UBXN10: variants seen among roughly 807,000 people sequenced by gnomAD.
The protein encoded by UBXN10 is UBX domain-containing protein 10.
Under a neutral mutation model 6.9 loss-of-function variants are expected in UBXN10, and 6 were observed. The ratio of observed to expected loss-of-function variants is 0.87; its 90% CI spans 0.48 to 1.72. UBXN10 has a LOEUF of 1.72. Ranked by LOEUF, UBXN10 falls within the 40% of genes most tolerant of loss-of-function variation. The pLI, the probability that UBXN10 is intolerant of heterozygous loss-of-function variation, is 0.01. For synonymous variants in UBXN10, 131 were observed against 135.2 expected, an observed-to-expected ratio of 0.97 and a Z score of 0.21; for missense variants, 317 against 348.4, an observed-to-expected ratio of 0.91 and a Z score of 0.72.
Position 20,192,245 on chromosome 1 carries a change from AG to A in UBXN10, c.*843del, listed in dbSNP as rs2018517581. 1 of 167,116 alleles carries A rather than the reference AG, an allele frequency of 6.0e-6. No homozygotes were observed. The highest frequency in any genetic ancestry group is 6.5e-5 in the Admixed American group (1 of 15,292). The allele number at this position is 167,116 out of a possible 1,614,324, so 10.4% of individuals were successfully genotyped here. A position where few individuals can be genotyped will look rare whatever the true frequency, so the allele number is the denominator to read the frequency against. ...AATGTACAAACCTATAAGTTTAAAC[AG>A]GTTTGTACTGACAACCTCCTTGGCT... On this transcript the variant is annotated 3_prime_UTR_variant, in exon 2 of 2. Coordinates refer to ENST00000375099, the MANE Select transcript of UBXN10 (RefSeq NM_152376.5).
chr1:20,191,107 C>A lies in UBXN10; in HGVS notation c.546C>A (p.Gly182=). ...TCATCGTCCGAACCAAGAAACAGGG[C>A]TCTTCCAGGGCTGGAAATCTGGAGG... ...RKFIVRTKKQ[G]SSRAGNLEEP... Residue 182 remains glycine, a synonymous_variant, in exon 2 of 2, where the codon GGC becomes GGA. Coordinates refer to ENST00000375099, the MANE Select transcript of UBXN10 (RefSeq NM_152376.5). The surrounding 1 kb of genome is among the most constrained non-coding windows in gnomAD (Gnocchi z 4.5). The A allele has an allele frequency of 6.2e-7, 1 of 1,614,164 alleles. No individual in the cohort carries two copies. Among genetic ancestry groups the A allele is most frequent in the Non-Finnish European group, 8.5e-7 (1 of 1,180,034 alleles).
upstream of UBXN10, among the ~76,000 whole-genome samples, chr1:20,184,833 A>G (rs532636403): frequency 6.6e-6 from 1 of 152,132 alleles, no homozygotes; most frequent in South Asian, 2.1e-4. Flanking sequence ...TTTCGCAAGC[A>G]AAACAACGTT....
rs2018477138 is a variant in UBXN10, at chr1:20,190,662, T to C, written c.101T>C (p.Met34Thr). Residue 34 changes from methionine (M) to threonine (T), a missense_variant, in exon 2 of 2, where the codon ATG becomes ACG. Coordinates refer to ENST00000375099, the MANE Select transcript of UBXN10 (RefSeq NM_152376.5). ...ATTTGGCAGCCAAACTCACTAAATA[T>C]GCACATGATAAGGCCCAAGTCCGCC... The part of the protein sequence containing the change: ...SLIWQPNSLN[M>T]HMIRPKSAKG... 2.5e-6 allele frequency: 4 copies of C among 1,612,394 alleles called. No homozygotes were observed. The highest frequency in any genetic ancestry group is 3.4e-6 in the Non-Finnish European group (4 of 1,179,896).
chr1:20,183,825 C>T (rs1472439044), upstream of UBXN10, among the ~76,000 whole-genome samples: 2 of 152,096 alleles, frequency 1.3e-5, no homozygotes, highest in African/African-American at 2.4e-5. Context: ...TGGCTGCAGC[C>T]CAGGGAGAGA....
In UBXN10 at chr1:20,187,808, C is replaced by G. The variant is rs1266079044; in HGVS notation, c.-16+1655C>G. On this transcript the variant is annotated intron_variant, in intron 1 of 1. Transcript: ENST00000375099. This position sits in a 1 kb window ranked among gnomAD's most constrained non-coding sequence, Gnocchi z 4.6. ...GGTATAGAAAGTGCATGCACATACT[C>G]AAGTTTTACTGTTAAAAATAATCCC... Among the ~76,000 whole-genome samples, 1 of 152,188 alleles carries G rather than the reference C, an allele frequency of 6.6e-6. No individual in the cohort carries two copies. Among genetic ancestry groups the G allele is most frequent in the Middle Eastern group, 3.2e-3 (1 of 316 alleles).
At chr1:20,183,416 G>A (rs1239882493), upstream of UBXN10, among the ~76,000 whole-genome samples, 1 of 152,196 alleles carries the variant, frequency 6.6e-6, no homozygotes, top group East Asian at 1.9e-4. Flanking sequence ...TGGGACTCTG[G>A]GGTCCAGGGT....
chr1:20,184,244 T>C (rs1326936493), upstream of UBXN10: 1 of 150,934 alleles, frequency 6.6e-6, no homozygotes, highest in Non-Finnish European at 1.5e-5. Flanking sequence ...GAAGCCAATT[T>C]GATTCTCCAA....
At position 20,193,964 on chromosome 1, in the gene UBXN10, C is replaced by A. The variant is rs550152573; in HGVS notation, c.*2560C>A. On this transcript the variant is annotated 3_prime_UTR_variant, in exon 2 of 2. Transcript: ENST00000375099. ...CATAGACCTCAGTTATTCATTTAAC[C>A]GATGGCCATTGAGGGCTTACCCAGT... 1 of 167,016 alleles carries A rather than the reference C, an allele frequency of 6.0e-6. No individual in the cohort carries two copies. The highest frequency in any genetic ancestry group is 1.5e-5 in the Non-Finnish European group (1 of 68,126). 10.3% of individuals were successfully genotyped at this position (167,016 alleles called of 1,614,324 possible). A position where few individuals can be genotyped will look rare whatever the true frequency, so the allele number is the denominator to read the frequency against.
chr1:20,184,101 AG>A (rs1483036437), upstream of UBXN10: 1 of 152,258 alleles, frequency 6.6e-6, no homozygotes, highest in African/African-American at 2.4e-5. Flanking sequence ...GGAGAGCAAA[AG>A]GCAGGTACTG....
rs1179779391 is a variant in UBXN10 at position 20,191,830 on chromosome 1, T to C, written c.*426T>C. ...ACACTTCCCAGAGAGGATTCTAGTC[T>C]GGTAAATAACCACAGTGTAGGAACT... On this transcript the variant is annotated 3_prime_UTR_variant, in exon 2 of 2. Transcript: ENST00000375099. The surrounding 1 kb of genome is among the most constrained non-coding windows in gnomAD (Gnocchi z 4.5). 1 of 184,614 alleles carries C rather than the reference T, an allele frequency of 5.4e-6. No homozygotes were observed. The allele number at this position is 184,614 out of a possible 1,614,324, so 11.4% of individuals were successfully genotyped here.
rs771995471 is a variant in UBXN10, at chr1:20,194,773, G to A, written c.*3369G>A. ...TTCGGATAAAAGAGACTTTTACATG[G>A]TAAGAGGATCTACTTTTCTACCTTT... On this transcript the variant is annotated 3_prime_UTR_variant, in exon 2 of 2. Coordinates refer to ENST00000375099, the MANE Select transcript of UBXN10 (RefSeq NM_152376.5). 3 of 167,064 alleles carry A rather than the reference G, an allele frequency of 1.8e-5. No individual in the cohort carries two copies. Among genetic ancestry groups the A allele is most frequent in the Non-Finnish European group, 4.4e-5 (3 of 68,112 alleles). The allele number at this position is 167,064 out of a possible 1,614,324, so 10.3% of individuals were successfully genotyped here.
At chr1:20,186,031 G>GGCCGGTTCCGGTCAC (rs1553184962), upstream of UBXN10, 1 of 96,354 alleles carries the variant, frequency 1.0e-5, no homozygotes, top group East Asian at 3.3e-4. Context: ...ACCCGACCCA[G>GGCCGGTTCCGGTCAC]GCCGGTTCCG....
intron 1 of UBXN10, 42 bp from the exon 2 acceptor site, chr1:20,190,505 A>T: frequency 6.4e-7 from 1 of 1,550,426 alleles, no homozygotes; most frequent in Non-Finnish European, 8.7e-7. Context: ...GAGTCCCAGG[A>T]AGTTTAACCC....
rs2018421250 is a variant in UBXN10, at chr1:20,187,584, G to GC, written c.-16+1432dup. On this transcript the variant is annotated intron_variant, in intron 1 of 1. Transcript: ENST00000375099. The surrounding 1 kb of genome is among the most constrained non-coding windows in gnomAD (Gnocchi z 4.6). ...AGATGGTCCCTGTGCTCGGGAGGAG[G>GC]CAGTGGGTTATGAAAGCAGGTTGGA... 6.6e-6 allele frequency among the ~76,000 whole-genome samples: 1 copy of GC among 152,204 alleles called. No homozygotes were observed. The highest frequency in any genetic ancestry group is 6.5e-5 in the Admixed American group (1 of 15,282).
At position 20,190,949 on chromosome 1, in the gene UBXN10, G is replaced by T; in HGVS notation, c.388G>T (p.Val130Leu). Residue 130 changes from valine to leucine, a missense_variant, in exon 2 of 2, where the codon GTG becomes TTG. Val to Leu is a conservative substitution (Grantham distance 32). Transcript: ENST00000375099. ...INRKNLEEEAVETVAKKASSL... is the reference protein window; with the variant it reads ...INRKNLEEEALETVAKKASSL... The stretch of plus-strand genomic sequence containing the variant: ...CAGAAAGAACCTGGAGGAGGAGGCT[G>T]TGGAAACCGTTGCCAAAAAGGCCAG... 1.2e-6 allele frequency: 2 copies of T among 1,614,180 alleles called. No individual in the cohort carries two copies. The highest frequency in any genetic ancestry group is 2.7e-5 in the African/African-American group (2 of 75,040).
At position 20,193,525 on chromosome 1, in the gene UBXN10, A is replaced by G. The variant is rs2018546353; in HGVS notation, c.*2121A>G. The G allele has an allele frequency of 6.0e-6, 1 of 167,044 alleles. No homozygotes were observed. Among genetic ancestry groups the G allele is most frequent in the Non-Finnish European group, 1.5e-5 (1 of 68,106 alleles). 10.3% of individuals were successfully genotyped at this position (167,044 alleles called of 1,614,324 possible). ...CTTGTGTGAAACTGAGTCAGTGGAG[A>G]AGTGCATCTCGTATTTTAACCTAAG... is the stretch of plus-strand genomic sequence containing the variant. On this transcript the variant is annotated 3_prime_UTR_variant, in exon 2 of 2. Coordinates refer to ENST00000375099, the MANE Select transcript of UBXN10 (RefSeq NM_152376.5).
rs2018474140 is a variant in UBXN10, at chr1:20,190,576, C to G, written c.15C>G (p.Ala5=). Residue 5 remains alanine (A), a synonymous_variant, in exon 2 of 2, where the codon GCC becomes GCG. Transcript: ENST00000375099. ...CTTGAGAAGCAATGGCCACAGAAGCCCCTGTGAATATAGCACCACCTGAGT... is the reference window on the plus strand; with the variant it reads ...CTTGAGAAGCAATGGCCACAGAAGCGCCTGTGAATATAGCACCACCTGAGT... MATE[A]PVNIAPPECS... is the part of the protein sequence containing the mutation. The G allele has an allele frequency of 6.2e-7, 1 of 1,612,176 alleles. No individual in the cohort carries two copies. Among genetic ancestry groups the G allele is most frequent in the Non-Finnish European group, 8.5e-7 (1 of 1,178,596 alleles).
Position 20,190,680 on chromosome 1 carries a change from A to C in UBXN10, c.119A>C (p.Lys40Thr), listed in dbSNP as rs191933932. ...NSLNMHMIRP[K>T]SAKGRTRPSL... ...CTAAATATGCACATGATAAGGCCCA[A>C]GTCCGCCAAGGGACGGACAAGACCG... The change falls in exon 2 of 2, where the codon AAG becomes ACG. Residue 40 changes from lysine (K) to threonine (T), a missense_variant. Lys to Thr is a moderately conservative substitution (Grantham distance 78, BLOSUM62 -1). Coordinates refer to ENST00000375099, the MANE Select transcript of UBXN10 (RefSeq NM_152376.5). 6.2e-7 allele frequency: 1 copy of C among 1,614,214 alleles called. No homozygotes were observed. The highest frequency in any genetic ancestry group is 8.5e-7 in the Non-Finnish European group (1 of 1,180,044).
At chr1:20,185,158 A>G (rs183578102), upstream of UBXN10, among the ~76,000 whole-genome samples, 6 of 152,162 alleles carry the variant, frequency 3.9e-5, no homozygotes, top group African/African-American at 1.4e-4. Flanking sequence ...GAAGAAAAAG[A>G]AGAAAGGAGG....
Sources: allele counts gnomAD v4.1 joint callset (sites outside exome capture counted in the v4.1 genomes callset), GRCh38; gene constraint gnomAD v4.1.1; non-coding constraint Gnocchi (gnomAD v3.1); transcripts MANE v1.5; gene names NCBI Gene and HGNC (gene_info 2026-07-23, HGNC 2026-07-21).